The following PCDH9 variants were observed in gnomAD, a reference collection of about 807,000 sequenced individuals.
PCDH9 encodes the protein protocadherin 9, also known as protocadherin-9.
A neutral mutation model predicts 70.6 loss-of-function variants in PCDH9; 24 were observed. The ratio of observed to expected loss-of-function variants is 0.34; its 90% CI spans 0.25 to 0.48. The LOEUF (loss-of-function observed/expected upper bound fraction) is 0.48. Among genes scored for constraint, PCDH9 ranks in the 20% least tolerant of loss-of-function variants. PCDH9 has a pLI of 0.99. For missense variants in PCDH9, 1,281 were observed against 1,503.6 expected, an observed-to-expected ratio of 0.85 and a Z score of 2.45; for synonymous variants, 562 against 558.5, an observed-to-expected ratio of 1.01 and a Z score of -0.09.
rs1395902398 is a variant in PCDH9 at position 66,304,585 on chromosome 13, T to C, written c.*70A>G. On this transcript the variant is annotated 3_prime_UTR_variant, in exon 5 of 5. Coordinates refer to ENST00000377865, the MANE Select transcript of PCDH9 (RefSeq NM_203487.3). ...GGCATAGTTGTAGAGATCTATTGAA[T>C]ACATAAAGCTCTGACGCACACGGTA... 1.7e-6 allele frequency: 2 copies of C among 1,201,834 alleles called. No homozygotes were observed. The highest frequency in any genetic ancestry group is 3.0e-5 in the African/African-American group (2 of 66,254). 74.4% of individuals were successfully genotyped at this position (1,201,834 alleles called of 1,614,324 possible).
chr13:66,978,719 T>C (rs2083673605), intron 2 of PCDH9, among the ~76,000 whole-genome samples: 2 of 149,534 alleles, frequency 1.3e-5, no homozygotes, highest in African/African-American at 2.4e-5. Flanking sequence ...ATATGTTGTT[T>C]CATAAGAATA....
At chr13:66,338,843 A>C (rs1344839363) in intron 4 of PCDH9, among the ~76,000 whole-genome samples, 1 of 151,420 alleles carries the variant, frequency 6.6e-6, no homozygotes, top group African/African-American at 2.4e-5. Context: ...TTAGGCTTCC[A>C]TTGCTTCTGC....
At chr13:66,765,878 T>C (rs1301258572) in intron 3 of PCDH9, among the ~76,000 whole-genome samples, 4 of 151,952 alleles carry the variant, frequency 2.6e-5, no homozygotes, top group Non-Finnish European at 5.9e-5. Context: ...AGACTAGGTG[T>C]CTACACTATG....
At chr13:67,176,711 A>G (rs755432092) in intron 2 of PCDH9, among the ~76,000 whole-genome samples, 1 of 151,958 alleles carries the variant, frequency 6.6e-6, no homozygotes, top group Non-Finnish European at 1.5e-5. Flanking sequence ...ATGTAATTGT[A>G]CCCATCCCAA....
At chr13:67,048,960 T>A (rs1479793232) in intron 2 of PCDH9, among the ~76,000 whole-genome samples, 1 of 152,224 alleles carries the variant, frequency 6.6e-6, no homozygotes, top group Non-Finnish European at 1.5e-5. Context: ...GGGTTTATGG[T>A]GTTGCCATGT....
chr13:66,567,325 TG>T (rs975060957), intron 4 of PCDH9, among the ~76,000 whole-genome samples: 1 of 152,078 alleles, frequency 6.6e-6, no homozygotes, highest in African/African-American at 2.4e-5. Flanking sequence ...AAAAAACGCG[TG>T]GTATGGGGAT....
chr13:66,409,282 A>G (rs1328025548), intron 4 of PCDH9, among the ~76,000 whole-genome samples: 1 of 152,184 alleles, frequency 6.6e-6, no homozygotes, highest in East Asian at 1.9e-4. Context: ...CTTACTGTGA[A>G]TTCCATGGTC....
intron 3 of PCDH9, among the ~76,000 whole-genome samples, chr13:66,668,317 A>C (rs1249464722): frequency 6.6e-6 from 1 of 152,124 alleles, no homozygotes; most frequent in Non-Finnish European, 1.5e-5. Flanking sequence ...ATTCATATTC[A>C]GTCACTTTTC....
At chr13:67,196,217 T>C (rs1231609803) in intron 2 of PCDH9, among the ~76,000 whole-genome samples, 2 of 152,078 alleles carry the variant, frequency 1.3e-5, no homozygotes, top group Non-Finnish European at 2.9e-5. Context: ...AAAGAATATG[T>C]GGAATGTATG....
chr13:66,350,652 C>T (rs1449903827), intron 4 of PCDH9, among the ~76,000 whole-genome samples: 1 of 152,184 alleles, frequency 6.6e-6, no homozygotes, highest in African/African-American at 2.4e-5. Flanking sequence ...GTCTCACATT[C>T]AGTGCACAAT....
At chr13:66,693,565 A>T (rs1547119) in intron 3 of PCDH9, among the ~76,000 whole-genome samples, 148,671 of 152,228 alleles carry the variant, frequency 0.98, 72,705 homozygotes, top group East Asian at 1. Context: ...TTGCTGAGAG[A>T]GCTCTCTATG....
chr13:66,380,157 T>C (rs1956820001), intron 4 of PCDH9, among the ~76,000 whole-genome samples: 1 of 152,184 alleles, frequency 6.6e-6, no homozygotes, highest in Admixed American at 6.5e-5. Flanking sequence ...TCTCTGATCA[T>C]AAGCAATTTG....
At position 67,227,619 on chromosome 13, in the gene PCDH9, G is replaced by C. The variant is rs781701917; in HGVS notation, c.822C>G (p.Leu274=). 10 of 1,613,916 alleles carry C rather than the reference G, an allele frequency of 6.2e-6. No homozygotes were observed. The highest frequency in any genetic ancestry group is 8.5e-6 in the Non-Finnish European group (10 of 1,179,830). ...NAPVGTSVIQ[L]HATDADIGSN... is the part of the protein sequence containing the mutation. ...TGCCTATATCTGCATCAGTGGCATG[G>C]AGCTGAATTACAGAGGTACCTACGG... The change falls in exon 2 of 5, where the codon CTC becomes CTG. Residue 274 remains leucine, a synonymous_variant. Transcript: ENST00000377865. The surrounding 1 kb of genome is among the most constrained non-coding windows in gnomAD (Gnocchi z 4.6).
intron 3 of PCDH9, chr13:66,859,238 T>C (rs1566246256): frequency 6.6e-6 from 1 of 152,154 alleles, no homozygotes. Context: ...ACCTTTCTAT[T>C]TGCGGGACAC....
intron 2 of PCDH9, among the ~76,000 whole-genome samples, chr13:66,904,644 A>C (rs1214767373): frequency 6.6e-6 from 1 of 152,012 alleles, no homozygotes; most frequent in African/African-American, 2.4e-5. Context: ...CCTATTCATC[A>C]ATGAAATGCT....
At chr13:66,860,627 T>C (rs1716462997) in intron 3 of PCDH9, among the ~76,000 whole-genome samples, 1 of 152,232 alleles carries the variant, frequency 6.6e-6, no homozygotes, top group African/African-American at 2.4e-5. Flanking sequence ...ATGCAAGAAG[T>C]GCTCTGGCAG....
chr13:66,310,787 C>A (rs770613062), intron 4 of PCDH9, among the ~76,000 whole-genome samples: 1 of 151,992 alleles, frequency 6.6e-6, no homozygotes, highest in South Asian at 2.1e-4. Context: ...GGATCAAATT[C>A]ATCACATCTC....
chr13:66,465,562 C>A, intron 4 of PCDH9, among the ~76,000 whole-genome samples: 1 of 151,792 alleles, frequency 6.6e-6, no homozygotes, highest in East Asian at 1.9e-4. Context: ...TTATTCACAT[C>A]AAATTTCTCA....
At chr13:66,386,276 T>C (rs1244845961) in intron 4 of PCDH9, among the ~76,000 whole-genome samples, 1 of 152,150 alleles carries the variant, frequency 6.6e-6, no homozygotes, top group East Asian at 1.9e-4. Context: ...GTGAAATGAA[T>C]TCCCCTCTCC....
Sources: gnomAD v4.1 joint callset for allele counts (sites outside exome capture counted in the v4.1 genomes callset) on GRCh38, gnomAD v4.1.1 for gene constraint, Gnocchi (gnomAD v3.1) non-coding constraint, MANE v1.5 for transcripts, NCBI Gene and HGNC (gene_info 2026-07-23, HGNC 2026-07-21) for gene names.